PHLPP2: variants seen among roughly 807,000 people sequenced by gnomAD.
PHLPP2 encodes the protein PH domain and leucine rich repeat protein phosphatase 2.
In PHLPP2, 66 loss-of-function variants were observed where a neutral mutation model predicts 124.9. The observed-to-expected ratio is 0.53, with a 90% CI of 0.43 to 0.65. PHLPP2 has a LOEUF of 0.65. Among genes scored for constraint, PHLPP2 ranks in the 30% least tolerant of loss-of-function variants. The pLI is 0.00. For synonymous variants in PHLPP2, 681 were observed against 624.7 expected, an observed-to-expected ratio of 1.09 and a Z score of -1.34; for missense variants, 1,685 against 1,600.4, an observed-to-expected ratio of 1.05 and a Z score of -0.90.
chr16:71,655,090 A>T, intron 17 of PHLPP2, 150 bp downstream of exon 17: 1 of 613,604 alleles, frequency 1.6e-6, no homozygotes, highest in Non-Finnish European at 2.9e-6. Flanking sequence ...CCCGCACTCC[A>T]TGCTCATATA....
At chr16:71,691,369 G>T (rs1050062306) in intron 3 of PHLPP2, among the ~76,000 whole-genome samples, 1 of 152,050 alleles carries the variant, frequency 6.6e-6, no homozygotes, top group Non-Finnish European at 1.5e-5. Flanking sequence ...GCTGAGGCAG[G>T]AGAATGGCGT....
chr16:71,672,413 C>A, intron 9 of PHLPP2, 91 bp from the exon 10 acceptor site: 1 of 925,246 alleles, frequency 1.1e-6, no homozygotes. Flanking sequence ...GTGAAATCAC[C>A]AGAGAGAAAA....
intron 13 of PHLPP2, among the ~76,000 whole-genome samples, chr16:71,659,045 G>A (rs1461646147): frequency 1.3e-5 from 2 of 152,120 alleles, no homozygotes; most frequent in Non-Finnish European, 2.9e-5. Flanking sequence ...AGGGCTGTTG[G>A]ATCTTGTGGG....
At position 71,645,990 on chromosome 16, in the gene PHLPP2, T is replaced by C. The variant is rs1348279349; in HGVS notation, c.*2900A>G. On this transcript the variant is annotated 3_prime_UTR_variant, in exon 19 of 19. Coordinates refer to ENST00000568954, the MANE Select transcript of PHLPP2 (RefSeq NM_015020.3). ...AGCAGTGTTCTTCTCTCAGAAATTATCTTAAGCTTCTCTACTCAATGGGAG... is the reference window on the plus strand; with the variant it reads ...AGCAGTGTTCTTCTCTCAGAAATTACCTTAAGCTTCTCTACTCAATGGGAG... 6.6e-6 allele frequency: 1 copy of C among 152,606 alleles called. No homozygotes were observed. The highest frequency in any genetic ancestry group is 2.4e-5 in the African/African-American group (1 of 41,448). The allele number at this position is 152,606 out of a possible 1,614,324, so 9.5% of individuals were successfully genotyped here. A position where few individuals can be genotyped will look rare whatever the true frequency, so the allele number is the denominator to read the frequency against.
chr16:71,714,440 G>T, intron 2 of PHLPP2, 72 bp downstream of exon 2: 1 of 1,456,428 alleles, frequency 6.9e-7, no homozygotes, highest in Non-Finnish European at 9.1e-7. Context: ...AAATCCTAAA[G>T]TCCAGTTCTA....
intron 2 of PHLPP2, among the ~76,000 whole-genome samples, chr16:71,704,661 C>T (rs1025589012): frequency 2.6e-5 from 4 of 151,986 alleles, no homozygotes; most frequent in South Asian, 2.1e-4. Flanking sequence ...AAGCCTGTAA[C>T]GACCAATAAA....
intron 9 of PHLPP2, among the ~76,000 whole-genome samples, chr16:71,674,552 T>TACATTTA (rs1343484775): frequency 6.6e-6 from 1 of 151,600 alleles, no homozygotes; most frequent in Non-Finnish European, 1.5e-5. Flanking sequence ...TATCACAATA[T>TACATTTA]ACATTTAATT....
At position 71,667,126 on chromosome 16, in the gene PHLPP2, G is replaced by C. The variant is rs1275845896; in HGVS notation, c.1784+52C>G. The C allele has an allele frequency of 1.0e-5, 15 of 1,457,938 alleles. No homozygotes were observed. In the East Asian group the frequency reaches 3.4e-4, roughly 33 times the overall value. 90.3% of individuals were successfully genotyped at this position (1,457,938 alleles called of 1,614,324 possible). On this transcript the variant is annotated intron_variant, in intron 12 of 18. Coordinates refer to ENST00000568954, the MANE Select transcript of PHLPP2 (RefSeq NM_015020.3). The stretch of plus-strand genomic sequence containing the variant: ...GTCACTCCAATGATAAGTCACTGCA[G>C]TCTGTTTAGCCAATGATTCTGCTCT...
intron 17 of PHLPP2, among the ~76,000 whole-genome samples, chr16:71,654,222 A>C (rs868696483): frequency 1.1e-4 from 16 of 150,022 alleles, no homozygotes; most frequent in Admixed American, 2.0e-4. Context: ...AAAAAAAAAA[A>C]AAAAAACTAG....
chr16:71,691,660 C>T (rs955691140), intron 3 of PHLPP2, among the ~76,000 whole-genome samples: 3 of 151,954 alleles, frequency 2.0e-5, no homozygotes, highest in Admixed American at 1.3e-4. Context: ...CATCTCTCTG[C>T]CACTAATATG....
chr16:71,696,318 G>C (rs2045169993), intron 3 of PHLPP2, among the ~76,000 whole-genome samples: 1 of 152,082 alleles, frequency 6.6e-6, no homozygotes, highest in Admixed American at 6.6e-5. Context: ...ACACCTATTT[G>C]TGCAACTTGG....
At chr16:71,704,360 A>G (rs779770067) in intron 2 of PHLPP2, among the ~76,000 whole-genome samples, 1 of 151,652 alleles carries the variant, frequency 6.6e-6, no homozygotes, top group Non-Finnish European at 1.5e-5. Flanking sequence ...TATAAGAAAC[A>G]TGATGCATTT....
intron 8 of PHLPP2, chr16:71,677,924 C>T (rs942757296): frequency 1.3e-5 from 2 of 152,040 alleles, no homozygotes; most frequent in African/African-American, 2.4e-5. Flanking sequence ...TGTAAATAAA[C>T]GTTGATTAAA....
intron 4 of PHLPP2, among the ~76,000 whole-genome samples, chr16:71,686,721 G>C (rs2045058364): frequency 1.3e-5 from 2 of 150,402 alleles, no homozygotes; most frequent in Non-Finnish European, 3.0e-5. Context: ...CTTTCACTCA[G>C]AATTATGCTG....
At position 71,690,183 on chromosome 16, in the gene PHLPP2, A is replaced by C. The variant is rs532876406; in HGVS notation, c.609+336T>G. 4.6e-5 allele frequency among the ~76,000 whole-genome samples: 7 copies of C among 152,176 alleles called. No individual in the cohort carries two copies. In the East Asian group the frequency reaches 7.7e-4, roughly 17 times the overall value. ...TTAATTTAATTGGGGGGGAAAAAAAACCCCGAAAGAATCTATTTGGTGATG... is the reference window on the plus strand; with the variant it reads ...TTAATTTAATTGGGGGGGAAAAAAACCCCCGAAAGAATCTATTTGGTGATG... On this transcript the variant is annotated intron_variant, in intron 4 of 18. Transcript: ENST00000568954.
intron 3 of PHLPP2, among the ~76,000 whole-genome samples, chr16:71,692,032 A>G (rs939198134): frequency 6.6e-6 from 1 of 152,152 alleles, no homozygotes; most frequent in African/African-American, 2.4e-5. Context: ...ACAGTAACAC[A>G]GAAGTTGGAA....
chr16:71,691,250 C>G (rs188393692), intron 3 of PHLPP2, among the ~76,000 whole-genome samples: 11 of 152,008 alleles, frequency 7.2e-5, no homozygotes, highest in Admixed American at 3.3e-4. Context: ...GTCAGGAGAT[C>G]GAGACCATCC....
intron 13 of PHLPP2, among the ~76,000 whole-genome samples, chr16:71,660,784 T>A (rs1308997040): frequency 6.6e-6 from 1 of 152,088 alleles, no homozygotes; most frequent in African/African-American, 2.4e-5. Context: ...TTTTCCCTTA[T>A]CCTGCCTGGA....
intron 9 of PHLPP2, among the ~76,000 whole-genome samples, chr16:71,675,529 G>T (rs935316109): frequency 2.0e-5 from 3 of 152,182 alleles, no homozygotes; most frequent in African/African-American, 2.4e-5. Flanking sequence ...AGGCTAAATA[G>T]TAAACATTTT....
Sources: gnomAD v4.1 joint callset for allele counts (sites outside exome capture counted in the v4.1 genomes callset) on GRCh38, gnomAD v4.1.1 for gene constraint, MANE v1.5 for transcripts, NCBI Gene and HGNC (gene_info 2026-07-23, HGNC 2026-07-21) for gene names.